MAP3K15: variants seen among roughly 807,000 people sequenced by gnomAD.
MAP3K15 encodes the protein mitogen-activated protein kinase kinase kinase 15, also known as MAPK/ERK kinase kinase 15.
A neutral mutation model predicts 99.5 loss-of-function variants in MAP3K15; 124 were observed. That is an observed-to-expected ratio of 1.25 (90% CI 1.08 to 1.45). The LOEUF (loss-of-function observed/expected upper bound fraction) is 1.45. Among genes scored for constraint, MAP3K15 ranks in the 40% most tolerant of loss-of-function variants. The pLI is 0.00. For synonymous variants in MAP3K15, 494 were observed against 439.6 expected (o/e 1.12, Z -1.55); for missense variants, 1,242 against 1,079.7 (o/e 1.15, Z -2.11).
At chrX:19,479,151 T>C (rs1337462075) in intron 3 of MAP3K15, among the ~76,000 whole-genome samples, 1 of 111,870 alleles carries the variant, frequency 8.9e-6, no homozygotes, top group African/African-American at 3.3e-5. Context: ...GCAGGTATAC[T>C]ACCCAGAACC....
chrX:19,398,286 C>A lies in MAP3K15; in HGVS notation c.2006G>T (p.Gly669Val). The A allele has an allele frequency of 8.3e-7, 1 of 1,210,947 alleles. No individual in the cohort carries two copies. The highest frequency in any genetic ancestry group is 1.1e-6 in the Non-Finnish European group (1 of 895,224). Residue 669 changes from glycine (G) to valine (V), a missense_variant, in exon 15 of 29, where the codon GGC (glycine) becomes GTC (valine). Physicochemically the swap from Gly to Val is moderately radical, Grantham distance 109 (BLOSUM62 -3). Transcript: ENST00000338883. ...TCGCACTTGATTGCTCAGATCTCGG[C>A]CAGCATACACAATCCCATACGTGCC... Reference protein sequence around the residue: ...GKGTYGIVYAGRDLSNQVRIA... With the variant: ...GKGTYGIVYAVRDLSNQVRIA...
chrX:19,426,818 C>CAAAAAAACA (rs1233194486), intron 7 of MAP3K15, among the ~76,000 whole-genome samples: 410 of 21,128 alleles, frequency 0.019, 33 homozygotes, highest in African/African-American at 0.082. Context: ...AATCTGTCTC[C>CAAAAAAACA]AAAAAAAAAA....
Position 19,360,444 on chromosome X carries a change from T to A in MAP3K15, c.*305A>T, listed in dbSNP as rs1267112593. 2.6e-5 allele frequency: 6 copies of A among 231,710 alleles called. No homozygotes were observed. Among genetic ancestry groups the A allele is most frequent in the Non-Finnish European group, 4.6e-5 (6 of 129,108 alleles). The allele number at this position is 231,710 out of a possible 1,213,427, so 19.1% of individuals were successfully genotyped here. On this transcript the variant is annotated 3_prime_UTR_variant, in exon 29 of 29. Coordinates refer to ENST00000338883, the MANE Select transcript of MAP3K15 (RefSeq NM_001001671.4). ...CATGGCTCACTGCAGCCTCCACACC[T>A]CCTGGGCTCAAGCAATCCTCCCACC...
chrX:19,484,069 C>A (rs1350841966), intron 3 of MAP3K15, among the ~76,000 whole-genome samples: 2 of 111,539 alleles, frequency 1.8e-5, no homozygotes, highest in Non-Finnish European at 3.8e-5. Context: ...TAACATAATG[C>A]CAAATATAGC....
intron 25 of MAP3K15, among the ~76,000 whole-genome samples, chrX:19,364,620 G>C (rs1307867001): frequency 9.0e-6 from 1 of 111,357 alleles, no homozygotes; most frequent in East Asian, 2.8e-4. Flanking sequence ...GAAATTCTTG[G>C]CCGGGTGCGG....
intron 6 of MAP3K15, among the ~76,000 whole-genome samples, chrX:19,437,789 A>G (rs1418378590): frequency 2.7e-5 from 3 of 112,037 alleles, no homozygotes; most frequent in Non-Finnish European, 3.8e-5. Flanking sequence ...TAGGTGATCA[A>G]TAAGTGTCTG....
At chrX:19,463,736 G>A (rs2064146527) in intron 4 of MAP3K15, among the ~76,000 whole-genome samples, 1 of 111,018 alleles carries the variant, frequency 9.0e-6, no homozygotes, top group Non-Finnish European at 1.9e-5. Flanking sequence ...TACATCCTGA[G>A]GATAGCTGCA....
At chrX:19,492,587 C>G (rs1441707625) in intron 1 of MAP3K15, among the ~76,000 whole-genome samples, 1 of 111,539 alleles carries the variant, frequency 9.0e-6, no homozygotes, top group African/African-American at 3.3e-5. Flanking sequence ...TGCTTAGAGT[C>G]AAGATAATGC....
chrX:19,453,205 A>C (rs752466038), intron 6 of MAP3K15, among the ~76,000 whole-genome samples: 9 of 111,489 alleles, frequency 8.1e-5, no homozygotes, highest in Non-Finnish European at 1.3e-4. Flanking sequence ...TTGCTACAAT[A>C]AACACCAAAC....
At chrX:19,406,422 A>G (rs1405736288) in intron 13 of MAP3K15, among the ~76,000 whole-genome samples, 1 of 112,615 alleles carries the variant, frequency 8.9e-6, no homozygotes, top group Non-Finnish European at 1.9e-5. Context: ...CGTGTTACAC[A>G]TGGATAAACC....
In MAP3K15 at chrX:19,429,611, G is replaced by C. The variant is rs181780168; in HGVS notation, c.1166+1827C>G. Among the ~76,000 whole-genome samples the C allele has an allele frequency of 2.5e-3, 271 of 109,678 alleles. 2 individuals are homozygous for C. Among genetic ancestry groups the C allele is most frequent in the African/African-American group, 7.3e-3 (222 of 30,263 alleles). On this transcript the variant is annotated intron_variant, in intron 7 of 28. Transcript: ENST00000338883. ...CTTGAGGTAGAACAGGTGGACAAAG[G>C]GGGGGAGGTGTAAGGCCATCACTTA...
At chrX:19,387,545 C>T (rs2063501062) in intron 18 of MAP3K15, among the ~76,000 whole-genome samples, 1 of 109,804 alleles carries the variant, frequency 9.1e-6, no homozygotes, top group African/African-American at 3.3e-5. Flanking sequence ...CACCACCACA[C>T]CCAGCTGATT....
intron 1 of MAP3K15, among the ~76,000 whole-genome samples, chrX:19,490,864 G>A (rs1353108309): frequency 9.0e-6 from 1 of 111,470 alleles, no homozygotes; most frequent in Non-Finnish European, 1.9e-5. Context: ...TTTAAATTAC[G>A]CTTAGTAGTA....
At chrX:19,416,138 C>G (rs2063732450) in intron 9 of MAP3K15, among the ~76,000 whole-genome samples, 1 of 111,417 alleles carries the variant, frequency 9.0e-6, no homozygotes, top group Admixed American at 9.6e-5. Context: ...CAAGACCAGC[C>G]TGGCCAACAT....
intron 9 of MAP3K15, among the ~76,000 whole-genome samples, chrX:19,423,229 C>T (rs765142060): frequency 4.0e-4 from 44 of 110,771 alleles, no homozygotes; most frequent in South Asian, 1.6e-3. Flanking sequence ...GTATCACAAC[C>T]GGGATGTTGT....
intron 3 of MAP3K15, among the ~76,000 whole-genome samples, chrX:19,469,716 C>T (rs1196332087): frequency 2.7e-5 from 3 of 111,234 alleles, no homozygotes; most frequent in African/African-American, 9.9e-5. Context: ...AAAAAACAAA[C>T]AACCCCATCA....
At chrX:19,456,763 G>A (rs1391298754) in intron 6 of MAP3K15, 150 bp downstream of exon 6, 4 of 414,183 alleles carry the variant, frequency 9.7e-6, no homozygotes. Context: ...CAAATACAAA[G>A]TCCCTGAGGA....
intron 25 of MAP3K15, among the ~76,000 whole-genome samples, chrX:19,366,779 G>A (rs1004501033): frequency 9.8e-5 from 11 of 111,918 alleles, no homozygotes; most frequent in African/African-American, 3.3e-4. Context: ...TACACACAAG[G>A]ACAAGCACCT....
chrX:19,480,972 G>A (rs1412703726), intron 3 of MAP3K15, among the ~76,000 whole-genome samples: 2 of 108,598 alleles, frequency 1.8e-5, no homozygotes, highest in Non-Finnish European at 3.8e-5. Context: ...AAAATTAGCT[G>A]GGCGTGGTGG....
Sources: gnomAD v4.1 joint callset for allele counts (sites outside exome capture counted in the v4.1 genomes callset) on GRCh38, gnomAD v4.1.1 for gene constraint, MANE v1.5 for transcripts, NCBI Gene and HGNC (gene_info 2026-07-23, HGNC 2026-07-21) for gene names.